NAV2: variants seen among roughly 807,000 people sequenced by gnomAD.
NAV2 encodes the protein neuron navigator 2.
A neutral mutation model predicts 223.2 loss-of-function variants in NAV2; 54 were observed. The ratio of observed to expected loss-of-function variants is 0.24; its 90% CI spans 0.19 to 0.30. The LOEUF (loss-of-function observed/expected upper bound fraction) is 0.30. NAV2 is among the 10% of genes least tolerant of loss of function. NAV2 has a pLI of 1.00. For synonymous variants in NAV2, 1,279 were observed against 1,239.3 expected, an observed-to-expected ratio of 1.03 and a Z score of -0.67; for missense variants, 2,806 against 3,147.5, an observed-to-expected ratio of 0.89 and a Z score of 2.60.
At chr11:19,760,304 C>T (rs1279338420) in intron 1 of NAV2, among the ~76,000 whole-genome samples, 1 of 152,144 alleles carries the variant, frequency 6.6e-6, no homozygotes, top group Non-Finnish European at 1.5e-5. Flanking sequence ...CACTCCCAAC[C>T]CAACTCCAGG....
At position 19,803,639 on chromosome 11, in the gene NAV2, G is replaced by A. The variant is rs111779213; in HGVS notation, c.268-28845G>A. Reference sequence around the variant, plus strand: ...AATTGAGATAGAGCAGAATGCCCTGGGGCAGGGAAGATGCTTGTGAGAGGA... The same window carrying A: ...AATTGAGATAGAGCAGAATGCCCTGAGGCAGGGAAGATGCTTGTGAGAGGA... On this transcript the variant is annotated intron_variant, in intron 1 of 37. Transcript: ENST00000349880. Among the ~76,000 whole-genome samples the A allele has an allele frequency of 5.3e-3, 811 of 152,338 alleles. 8 individuals are homozygous for A. Among genetic ancestry groups the A allele is most frequent in the African/African-American group, 0.018 (764 of 41,566 alleles).
intron 1 of NAV2, among the ~76,000 whole-genome samples, chr11:19,413,692 A>G (rs1850241040): frequency 6.6e-6 from 1 of 152,236 alleles, no homozygotes; most frequent in African/African-American, 2.4e-5. Context: ...CTGGTTACCC[A>G]TAAAGGGAAG....
intron 1 of NAV2, among the ~76,000 whole-genome samples, chr11:19,548,279 T>G (rs1287047617): frequency 6.6e-6 from 1 of 152,018 alleles, no homozygotes; most frequent in African/African-American, 2.4e-5. Context: ...CAAAGGAAAA[T>G]CAGACGAAGA....
At chr11:20,060,303 C>G (rs967240820) in intron 19 of NAV2, among the ~76,000 whole-genome samples, 1 of 152,248 alleles carries the variant, frequency 6.6e-6, no homozygotes, top group Admixed American at 6.5e-5. Flanking sequence ...CCAGCTTGGC[C>G]TCCAACATAA....
At chr11:19,443,841 T>C (rs1851488407) in intron 1 of NAV2, among the ~76,000 whole-genome samples, 1 of 152,234 alleles carries the variant, frequency 6.6e-6, no homozygotes, top group Non-Finnish European at 1.5e-5. Flanking sequence ...GAAAAGTAGA[T>C]ATAATTGTAT....
chr11:19,395,223 T>C (rs1849401370), intron 1 of NAV2, among the ~76,000 whole-genome samples: 1 of 152,234 alleles, frequency 6.6e-6, no homozygotes, highest in African/African-American at 2.4e-5. Context: ...TGCGTGTTAG[T>C]GCATTCACAT....
chr11:19,923,114 A>C (rs770092097), intron 6 of NAV2, among the ~76,000 whole-genome samples: 4 of 152,206 alleles, frequency 2.6e-5, no homozygotes, highest in Non-Finnish European at 5.9e-5. Flanking sequence ...CACAGGGGGA[A>C]ATAAGGGCTC....
chr11:19,586,332 C>A (rs1384767951), intron 1 of NAV2, among the ~76,000 whole-genome samples: 1 of 152,094 alleles, frequency 6.6e-6, no homozygotes, highest in East Asian at 1.9e-4. Flanking sequence ...GAACTTCCTC[C>A]TTTAGCTCAG....
chr11:19,460,451 G>C (rs1800941286), intron 1 of NAV2, among the ~76,000 whole-genome samples: 1 of 152,044 alleles, frequency 6.6e-6, no homozygotes, highest in African/African-American at 2.4e-5. Flanking sequence ...GCACATGGTG[G>C]GTGACCCCCA....
intron 1 of NAV2, among the ~76,000 whole-genome samples, chr11:19,609,859 G>T (rs181433577): frequency 4.5e-4 from 68 of 152,326 alleles, no homozygotes; most frequent in African/African-American, 1.5e-3. Context: ...TGCCAAGACT[G>T]GACCTCTGTT....
intron 1 of NAV2, among the ~76,000 whole-genome samples, chr11:19,422,854 A>T (rs1244864481): frequency 6.6e-6 from 1 of 152,124 alleles, no homozygotes; most frequent in Non-Finnish European, 1.5e-5. Flanking sequence ...TTCAAGAGGC[A>T]TGTGGCACAT....
chr11:19,463,809 A>G (rs1304087637), intron 1 of NAV2, among the ~76,000 whole-genome samples: 2 of 151,976 alleles, frequency 1.3e-5, no homozygotes, highest in Admixed American at 6.6e-5. Flanking sequence ...CTGGAAGGAC[A>G]GAGTGTGGGG....
intron 5 of NAV2, among the ~76,000 whole-genome samples, chr11:19,883,896 A>C (rs2063368967): frequency 6.6e-6 from 1 of 152,194 alleles, no homozygotes; most frequent in African/African-American, 2.4e-5. Context: ...GATACTGAGG[A>C]CATTCATCTG....
intron 1 of NAV2, among the ~76,000 whole-genome samples, chr11:19,602,906 A>ATAT (rs1310944890): frequency 1.3e-5 from 2 of 152,198 alleles, no homozygotes; most frequent in Non-Finnish European, 1.5e-5. Context: ...CCAGGTGGAC[A>ATAT]TATCATTTAG....
intron 1 of NAV2, among the ~76,000 whole-genome samples, chr11:19,541,109 A>G (rs1054296356): frequency 6.6e-6 from 1 of 152,208 alleles, no homozygotes; most frequent in Non-Finnish European, 1.5e-5. Context: ...GCTAAACTAT[A>G]TTATTATGAG....
chr11:20,087,340 T>G (rs1245701444), intron 26 of NAV2, among the ~76,000 whole-genome samples: 1 of 152,192 alleles, frequency 6.6e-6, no homozygotes, highest in Non-Finnish European at 1.5e-5. Context: ...ACAGCATCCA[T>G]GCACACTGGA....
At chr11:20,082,406 G>A (rs1260834722) in intron 25 of NAV2, among the ~76,000 whole-genome samples, 1 of 152,176 alleles carries the variant, frequency 6.6e-6, no homozygotes, top group East Asian at 1.9e-4. Context: ...TTTCAGAAGG[G>A]AGGAACATGC....
intron 22 of NAV2, among the ~76,000 whole-genome samples, chr11:20,074,610 G>A (rs553715002): frequency 6.6e-6 from 1 of 152,102 alleles, no homozygotes; most frequent in East Asian, 1.9e-4. Flanking sequence ...TATGAATCTG[G>A]GTGCTCCTGT....
chr11:20,095,577 C>A, intron 29 of NAV2, 95 bp from the exon 30 acceptor site: 1 of 812,464 alleles, frequency 1.2e-6, no homozygotes, highest in South Asian at 1.5e-5. Flanking sequence ...CCTCTCAAAC[C>A]ATTGGCGGAG....
Sources: gnomAD v4.1 joint callset for allele counts (sites outside exome capture counted in the v4.1 genomes callset) on GRCh38, gnomAD v4.1.1 for gene constraint, MANE v1.5 for transcripts, NCBI Gene and HGNC (gene_info 2026-07-23, HGNC 2026-07-21) for gene names.